Variants in GDAP1 observed in about 807,000 individuals in gnomAD.
The protein encoded by GDAP1 is ganglioside-induced differentiation-associated protein 1.
GDAP1 carries 34 observed loss-of-function variants against 40.1 expected under a neutral mutation model. The ratio of observed to expected loss-of-function variants is 0.85; its 90% CI spans 0.64 to 1.13. The LOEUF is 1.13. Among genes scored for constraint, GDAP1 ranks in the 50% most tolerant of loss-of-function variants. The pLI is 0.00. For synonymous variants in GDAP1, 170 were observed against 157.4 expected (o/e 1.08, Z -0.60); for missense variants, 374 against 433.7 (o/e 0.86, Z 1.22).
At chr8:74,428,694 C>T (rs2131563597) in intron 2 of GDAP1, among the ~76,000 whole-genome samples, 1 of 128,052 alleles carries the variant, frequency 7.8e-6, no homozygotes, top group South Asian at 2.8e-4. Context: ...GTTGGCCAGG[C>T]TGGGTTTGAA....
chr8:74,487,163 A>G (rs558431046), intron 2 of GDAP1, among the ~76,000 whole-genome samples: 3 of 152,266 alleles, frequency 2.0e-5, no homozygotes, highest in South Asian at 2.1e-4. Flanking sequence ...TATTAATATT[A>G]TATGTGAAAA....
At position 74,439,213 on chromosome 8, in the gene GDAP1, TATAC is replaced by T. The variant is rs1287704336; in HGVS notation, c.166-49462_166-49459del. On this transcript the variant is annotated intron_variant, in intron 2 of 2. Coordinates refer to the GDAP1 transcript ENST00000523640. ...CTAGTAAGTCTTTAATCTACATATA[TATAC>T]ATGTTATATATATATGTGTGTGTGT... 1.5e-4 allele frequency among the ~76,000 whole-genome samples: 23 copies of T among 152,252 alleles called. 1 individual carries two copies. Among genetic ancestry groups the T allele is most frequent in the Admixed American group, 1.5e-3 (23 of 15,290 alleles).
chr8:74,364,257 A>T lies in GDAP1; in HGVS notation c.967A>T (p.Thr323Ser). ...KKRAPKVLGT[T>S]LVVGLLAGVG... Reference sequence around the variant, plus strand: ...AAGGGCCCCAAAAGTTCTTGGCACGACCCTTGTGGTTGGTTTGCTTGCAGG... The same window carrying T: ...AAGGGCCCCAAAAGTTCTTGGCACGTCCCTTGTGGTTGGTTTGCTTGCAGG... Residue 323 changes from threonine to serine, a missense_variant, in exon 6 of 6, where the codon ACC (threonine) becomes TCC (serine). Physicochemically the swap from Thr to Ser is moderately conservative, Grantham distance 58. Coordinates refer to ENST00000220822, the MANE Select transcript of GDAP1 (RefSeq NM_018972.4). 1 of 1,614,132 alleles carries T rather than the reference A, an allele frequency of 6.2e-7. No homozygotes were observed. The highest frequency in any genetic ancestry group is 8.5e-7 in the Non-Finnish European group (1 of 1,180,014).
At chr8:74,359,970 G>C (rs1360217684) in intron 2 of GDAP1, among the ~76,000 whole-genome samples, 167 bp from the exon 3 acceptor site, 1 of 81,632 alleles carries the variant, frequency 1.2e-5, no homozygotes, top group Non-Finnish European at 2.4e-5. Flanking sequence ...TGGTGCATCA[G>C]GCCATTTCAA....
chr8:74,471,302 TG>T (rs1440840765), intron 2 of GDAP1, among the ~76,000 whole-genome samples: 3 of 152,118 alleles, frequency 2.0e-5, no homozygotes, highest in Non-Finnish European at 4.4e-5. Context: ...TTTTGGTGTT[TG>T]CCCGCTTTTA....
chr8:74,378,826 C>T (rs1809902599), intron 2 of GDAP1, among the ~76,000 whole-genome samples: 1 of 152,178 alleles, frequency 6.6e-6, no homozygotes, highest in Admixed American at 6.5e-5. Flanking sequence ...TCATACTGAA[C>T]AACCACACAA....
chr8:74,431,418 A>T (rs1806023042), intron 2 of GDAP1, among the ~76,000 whole-genome samples: 1 of 152,150 alleles, frequency 6.6e-6, no homozygotes, highest in Non-Finnish European at 1.5e-5. Context: ...AATGAATATT[A>T]TGGGCATTCA....
At chr8:74,447,696 G>A (rs971796056) in intron 2 of GDAP1, among the ~76,000 whole-genome samples, 3 of 152,132 alleles carry the variant, frequency 2.0e-5, no homozygotes, top group Non-Finnish European at 2.9e-5. Flanking sequence ...AGCACAAGTG[G>A]CAAGTTCCCT....
chr8:74,351,448 G>C lies in GDAP1; in HGVS notation c.292G>C (p.Glu98Gln). The stretch of plus-strand genomic sequence containing the variant: ...GGCCACTCAGATCATTGATTATCTT[G>C]AACAGACTTTCCTGGATGGTAATGT... ...CEATQIIDYL[E>Q]QTFLDERTPR... is the part of the protein sequence containing the mutation. Residue 98 changes from glutamate to glutamine, a missense_variant, in exon 2 of 6, where the codon GAA becomes CAA. Coordinates refer to ENST00000220822, the MANE Select transcript of GDAP1 (RefSeq NM_018972.4). 1 of 1,613,254 alleles carries C rather than the reference G, an allele frequency of 6.2e-7. No individual in the cohort carries two copies. Among genetic ancestry groups the C allele is most frequent in the East Asian group, 2.2e-5 (1 of 44,876 alleles).
intron 2 of GDAP1, among the ~76,000 whole-genome samples, chr8:74,460,167 C>T (rs1311529979): frequency 6.6e-6 from 1 of 152,140 alleles, no homozygotes; most frequent in East Asian, 1.9e-4. Flanking sequence ...GATGTGTGCC[C>T]CACGAATGGG....
At chr8:74,356,431 G>A (rs1369098524) in intron 2 of GDAP1, among the ~76,000 whole-genome samples, 1 of 152,034 alleles carries the variant, frequency 6.6e-6, no homozygotes, top group Non-Finnish European at 1.5e-5. Flanking sequence ...AACATTTAAT[G>A]TATAGTGCAT....
At chr8:74,366,988 A>T (rs1305947152), downstream of GDAP1, 4 of 308,086 alleles carry the variant, frequency 1.3e-5, no homozygotes, top group African/African-American at 8.8e-5. Flanking sequence ...TATTCAAGAT[A>T]CTTAGCTATA....
intron 2 of GDAP1, among the ~76,000 whole-genome samples, chr8:74,396,628 A>G (rs929051004): frequency 1.3e-5 from 2 of 151,698 alleles, no homozygotes; most frequent in Admixed American, 1.3e-4. Flanking sequence ...TCCTTGCGAT[A>G]GTTTACTGAG....
intron 1 of GDAP1, 132 bp from the exon 2 acceptor site, chr8:74,351,142 A>G (rs1339516582): frequency 3.9e-6 from 3 of 768,934 alleles, no homozygotes; most frequent in Non-Finnish European, 7.1e-6. Flanking sequence ...TTCCAGGAAT[A>G]GGAATTGTTA....
chr8:74,370,323 G>T (rs1434340748), downstream of GDAP1, among the ~76,000 whole-genome samples: 6 of 152,190 alleles, frequency 3.9e-5, no homozygotes, highest in Non-Finnish European at 8.8e-5. Flanking sequence ...GGAGGAAGTG[G>T]ATGAATGGAA....
chr8:74,482,904 C>T (rs1350782648), intron 2 of GDAP1, among the ~76,000 whole-genome samples: 2 of 152,166 alleles, frequency 1.3e-5, no homozygotes, highest in African/African-American at 2.4e-5. Context: ...AACAAATGCT[C>T]ATAGAGGCAG....
Position 74,366,022 on chromosome 8 carries a change from A to C in GDAP1, c.*1655A>C, listed in dbSNP as rs911335769. On this transcript the variant is annotated 3_prime_UTR_variant, in exon 6 of 6. Coordinates refer to ENST00000220822, the MANE Select transcript of GDAP1 (RefSeq NM_018972.4). ...AGAAACAAGAACTGAGTCGTGAAGA[A>C]ATAAGAATTGGATTTTTATAAAAAC... 2 of 450,574 alleles carry C rather than the reference A, an allele frequency of 4.4e-6. No individual in the cohort carries two copies. The highest frequency in any genetic ancestry group is 8.9e-6 in the Non-Finnish European group (2 of 225,948). The allele number at this position is 450,574 out of a possible 1,614,324, so 27.9% of individuals were successfully genotyped here. A position where few individuals can be genotyped will look rare whatever the true frequency, so the allele number is the denominator to read the frequency against.
intron 2 of GDAP1, among the ~76,000 whole-genome samples, chr8:74,455,349 T>G (rs1468220012): frequency 6.6e-6 from 1 of 151,898 alleles, no homozygotes; most frequent in Admixed American, 6.6e-5. Flanking sequence ...AAACTAAACC[T>G]TTATCAGTTG....
intron 2 of GDAP1, among the ~76,000 whole-genome samples, chr8:74,377,091 A>G (rs1809867186): frequency 6.6e-6 from 1 of 152,224 alleles, no homozygotes; most frequent in Non-Finnish European, 1.5e-5. Flanking sequence ...AGAAAAACTA[A>G]AACTATAAAA....
Sources: gnomAD v4.1 joint callset for allele counts (sites outside exome capture counted in the v4.1 genomes callset) on GRCh38, gnomAD v4.1.1 for gene constraint, MANE v1.5 for transcripts, NCBI Gene and HGNC (gene_info 2026-07-23, HGNC 2026-07-21) for gene names.